Variants in SFXN2 observed in about 807,000 individuals in gnomAD.
The protein encoded by SFXN2 is sideroflexin 2, also known as sideroflexin-2.
In SFXN2, 37 loss-of-function variants were observed where a neutral mutation model predicts 41.9. That is an observed-to-expected ratio of 0.88 (90% CI 0.68 to 1.16). The LOEUF is 1.16. Among genes scored for constraint, SFXN2 ranks in the 50% most tolerant of loss-of-function variants. The pLI is 0.00. For missense variants in SFXN2, 386 were observed against 425.2 expected (o/e 0.91, Z 0.81); for synonymous variants, 150 against 156.7 (o/e 0.96, Z 0.32).
At position 102,739,585 on chromosome 10, in the gene SFXN2, A is replaced by G. The variant is rs929117477; in HGVS notation, c.*1823A>G. On this transcript the variant is annotated 3_prime_UTR_variant, in exon 12 of 12. Transcript: ENST00000369893. ...ATTTACTGTCTGATCCTTGACACAA[A>G]AAGTTTCCCCTGCCCTGGAGCAGTG... 6.6e-6 allele frequency: 1 copy of G among 152,154 alleles called. No individual in the cohort carries two copies. The highest frequency in any genetic ancestry group is 2.4e-5 in the African/African-American group (1 of 41,430). The allele number at this position is 152,154 out of a possible 1,614,324, so 9.4% of individuals were successfully genotyped here.
chr10:102,716,551 CTCTT>C (rs1227401000), intron 1 of SFXN2: 1 of 142,792 alleles, frequency 7.0e-6, no homozygotes, highest in African/African-American at 2.6e-5. Flanking sequence ...TTGTTTCCCT[CTCTT>C]TCTTTCCTTT....
At chr10:102,726,581 G>A in intron 1 of SFXN2, 31 bp from the exon 2 acceptor site, 2 of 1,601,828 alleles carry the variant, frequency 1.2e-6, no homozygotes, top group South Asian at 1.1e-5. Flanking sequence ...TTTGATTTAG[G>A]GGACAGTCAT....
chr10:102,735,959 C>T (rs376863527), intron 11 of SFXN2, 50 bp downstream of exon 11: 35 of 1,569,376 alleles, frequency 2.2e-5, no homozygotes, highest in Admixed American at 5.0e-5. Flanking sequence ...GCTGCCAGCG[C>T]GCTCCCTGAT....
At chr10:102,718,706 C>T (rs968726312) in intron 1 of SFXN2, among the ~76,000 whole-genome samples, 2 of 152,178 alleles carry the variant, frequency 1.3e-5, no homozygotes, top group Non-Finnish European at 2.9e-5. Context: ...TCCAGCATAT[C>T]AGCTTCCTGA....
intron 1 of SFXN2, chr10:102,715,321 C>G (rs1420445488): frequency 1.3e-5 from 2 of 153,034 alleles, no homozygotes; most frequent in African/African-American, 2.4e-5. Flanking sequence ...TACAGGTGTT[C>G]CAAAGTGGTG....
Position 102,729,405 on chromosome 10 carries a change from G to C in SFXN2, c.507+11G>C, listed in dbSNP as rs1234473332. 6.2e-7 allele frequency: 1 copy of C among 1,613,746 alleles called. No homozygotes were observed. The highest frequency in any genetic ancestry group is 2.2e-5 in the East Asian group (1 of 44,898). ...AACATGTTGACAAAGGTATGGTCTGGGGCCGCTGCAGCATGGTGGCCACGC... is the reference window on the plus strand; with the variant it reads ...AACATGTTGACAAAGGTATGGTCTGCGGCCGCTGCAGCATGGTGGCCACGC... On this transcript the variant is annotated intron_variant, in intron 5 of 11. Coordinates refer to ENST00000369893, the MANE Select transcript of SFXN2 (RefSeq NM_178858.6).
At position 102,727,044 on chromosome 10, in the gene SFXN2, G is replaced by T; in HGVS notation, c.219G>T (p.Leu73=). The part of the protein sequence containing the change: ...QVEQLLYAKK[L]YDSAFHPDTG... ...AGCAGCTGCTGTATGCCAAGAAGCT[G>T]TATGACTCGGCCTTCCACCCCGACA... The change falls in exon 3 of 12, where the codon CTG becomes CTT. Residue 73 remains leucine, a synonymous_variant. Coordinates refer to ENST00000369893, the MANE Select transcript of SFXN2 (RefSeq NM_178858.6). The T allele has an allele frequency of 6.2e-7, 1 of 1,609,610 alleles. No individual in the cohort carries two copies. Among genetic ancestry groups the T allele is most frequent in the Admixed American group, 1.7e-5 (1 of 59,946 alleles).
At chr10:102,736,797 C>G (rs1370017332) in intron 11 of SFXN2, among the ~76,000 whole-genome samples, 1 of 151,422 alleles carries the variant, frequency 6.6e-6, no homozygotes, top group Non-Finnish European at 1.5e-5. Flanking sequence ...GTGATCTGCC[C>G]GCCTCAGCCT....
At chr10:102,736,050 G>T (rs755340416) in intron 11 of SFXN2, 141 bp downstream of exon 11, 22 of 840,116 alleles carry the variant, frequency 2.6e-5, no homozygotes, top group Middle Eastern at 2.6e-4. Flanking sequence ...CAGCCTAAAG[G>T]CTGGGCCTCT....
rs1374646406 is a variant in SFXN2, at chr10:102,735,919, G to A, written c.869+10G>A. 1 of 1,613,878 alleles carries A rather than the reference G, an allele frequency of 6.2e-7. No homozygotes were observed. The highest frequency in any genetic ancestry group is 1.1e-5 in the South Asian group (1 of 91,078). ...TTTTCCCACAGAAATGGTATCTGCTGTTCATTCCTTACTTGGTTTAATTGA... is the reference window on the plus strand; with the variant it reads ...TTTTCCCACAGAAATGGTATCTGCTATTCATTCCTTACTTGGTTTAATTGA... On this transcript the variant is annotated intron_variant, in intron 11 of 11. Coordinates refer to ENST00000369893, the MANE Select transcript of SFXN2 (RefSeq NM_178858.6).
chr10:102,728,227 A>C (rs2064638166), intron 3 of SFXN2, among the ~76,000 whole-genome samples: 1 of 152,104 alleles, frequency 6.6e-6, no homozygotes, highest in South Asian at 2.1e-4. Context: ...TGAACCTGGG[A>C]GGCGGAGGTT....
chr10:102,718,465 C>A (rs925802936), intron 1 of SFXN2, among the ~76,000 whole-genome samples: 1 of 152,270 alleles, frequency 6.6e-6, no homozygotes, highest in African/African-American at 2.4e-5. Context: ...CCCACTCTTG[C>A]TTCAGCTGGG....
intron 8 of SFXN2, 21 bp downstream of exon 8, chr10:102,732,239 C>T: frequency 6.2e-7 from 1 of 1,610,300 alleles, no homozygotes; most frequent in Non-Finnish European, 8.5e-7. Context: ...GAAGCCCTTC[C>T]ATCCTGGGGA....
chr10:102,727,135 GGCTTCAT>G lies in SFXN2; in HGVS notation c.314_320del (p.Phe105SerfsTer10). 1 of 1,603,370 alleles carries G rather than the reference GGCTTCAT, an allele frequency of 6.2e-7. No individual in the cohort carries two copies. Among genetic ancestry groups the G allele is most frequent in the Non-Finnish European group, 8.5e-7 (1 of 1,170,940 alleles). Reference sequence around the variant, plus strand: ...GCTTCCTGGCGGCATGATCATCACGGGCTTCATGCTCCAGTTCTACAGGTGGGACCTG... The same window carrying G: ...GCTTCCTGGCGGCATGATCATCACGGGCTCCAGTTCTACAGGTGGGACCTG... On this transcript the variant is annotated frameshift_variant, in exon 3 of 12. Transcript: ENST00000369893. LOFTEE classifies it high-confidence loss of function.
chr10:102,719,559 G>A (rs779081399), intron 1 of SFXN2, among the ~76,000 whole-genome samples: 2 of 152,048 alleles, frequency 1.3e-5, no homozygotes, highest in Non-Finnish European at 2.9e-5. Context: ...ATTTTTCAGG[G>A]TTTGTCCTCA....
At chr10:102,718,318 G>T (rs1457670223) in intron 1 of SFXN2, among the ~76,000 whole-genome samples, 2 of 152,378 alleles carry the variant, frequency 1.3e-5, no homozygotes, top group East Asian at 3.9e-4. Context: ...GGGAGGCATA[G>T]CATTTTGCTC....
Position 102,723,018 on chromosome 10 carries a change from G to A in SFXN2, c.-25-3594G>A, listed in dbSNP as rs577589287. 1.3e-4 allele frequency among the ~76,000 whole-genome samples: 17 copies of A among 128,800 alleles called. No individual in the cohort carries two copies. In the South Asian group the frequency reaches 3.5e-3, roughly 27 times the overall value. 84.5% of individuals were successfully genotyped at this position (128,800 alleles called of 152,430 possible). The stretch of plus-strand genomic sequence containing the variant: ...TTGATCTTGGCTCACTGCAGCCTCC[G>A]CCTCCTGGGCTCAAGCATTCCTCCC... On this transcript the variant is annotated intron_variant, in intron 1 of 11. Coordinates refer to ENST00000369893, the MANE Select transcript of SFXN2 (RefSeq NM_178858.6).
intron 1 of SFXN2, among the ~76,000 whole-genome samples, chr10:102,720,317 A>AAAAAC (rs1564738834): frequency 7.7e-6 from 1 of 129,928 alleles, no homozygotes; most frequent in Non-Finnish European, 1.6e-5. Flanking sequence ...AAAAAAAAAA[A>AAAAAC]CCCATGGCAG....
intron 10 of SFXN2, 83 bp from the exon 11 acceptor site, chr10:102,735,779 A>G: frequency 6.9e-7 from 1 of 1,440,604 alleles, no homozygotes; most frequent in South Asian, 1.1e-5. Context: ...GTGCCTGGGC[A>G]TTGCTCCTTT....
Sources: gnomAD v4.1 joint callset for allele counts (sites outside exome capture counted in the v4.1 genomes callset) on GRCh38, gnomAD v4.1.1 for gene constraint, MANE v1.5 for transcripts, NCBI Gene and HGNC (gene_info 2026-07-23, HGNC 2026-07-21) for gene names.